ROBO2: variants seen among roughly 807,000 people sequenced by gnomAD.
ROBO2 encodes roundabout guidance receptor 2, also known as roundabout homolog 2.
In ROBO2, 53 loss-of-function variants were observed where a neutral mutation model predicts 160.8. The ratio of observed to expected loss-of-function variants is 0.33; its 90% CI spans 0.26 to 0.41. The LOEUF (loss-of-function observed/expected upper bound fraction) is 0.41, where lower values mean the gene tolerates loss of function less well. Ranked by LOEUF, ROBO2 falls within the 10% of genes least tolerant of loss-of-function variation. The pLI, the probability that ROBO2 is intolerant of heterozygous loss-of-function variation, is 1.00. For missense variants in ROBO2, 1,577 were observed against 1,722.4 expected (o/e 0.92, Z 1.49); for synonymous variants, 664 against 611.7 (o/e 1.09, Z -1.26).
At chr3:76,567,282 A>G (rs1160391800) in intron 2 of ROBO2, among the ~76,000 whole-genome samples, 4 of 152,264 alleles carry the variant, frequency 2.6e-5, no homozygotes, top group Non-Finnish European at 4.4e-5. Context: ...ATGTTGGTTT[A>G]CTTACGAGCA....
chr3:76,525,276 G>C (rs1560092269), intron 2 of ROBO2, among the ~76,000 whole-genome samples: 1 of 151,680 alleles, frequency 6.6e-6, no homozygotes, highest in Non-Finnish European at 1.5e-5. Flanking sequence ...TGAAAAATTG[G>C]CTTTCAATTT....
intron 2 of ROBO2, among the ~76,000 whole-genome samples, chr3:76,802,171 C>G (rs117405086): frequency 1.3e-5 from 2 of 152,138 alleles, no homozygotes; most frequent in Non-Finnish European, 2.9e-5. Context: ...AGTGAGCACA[C>G]GCTGCTGGAA....
intron 2 of ROBO2, among the ~76,000 whole-genome samples, chr3:77,260,527 T>C (rs1306476726): frequency 6.6e-6 from 1 of 152,164 alleles, no homozygotes; most frequent in East Asian, 1.9e-4. Context: ...TCAAAGGTGA[T>C]TCAAGCAGAT....
chr3:77,531,371 G>A (rs2091714446), intron 6 of ROBO2, among the ~76,000 whole-genome samples: 1 of 148,554 alleles, frequency 6.7e-6, no homozygotes, highest in Admixed American at 6.9e-5. Flanking sequence ...AAAATAAGCA[G>A]CCACTACTCT....
chr3:77,464,594 A>C (rs1449384707), intron 2 of ROBO2, among the ~76,000 whole-genome samples: 1 of 152,192 alleles, frequency 6.6e-6, no homozygotes, highest in African/African-American at 2.4e-5. Context: ...CTGTCCTGCA[A>C]TAATTATTAA....
At chr3:76,627,782 T>A (rs2089755489) in intron 2 of ROBO2, among the ~76,000 whole-genome samples, 1 of 152,218 alleles carries the variant, frequency 6.6e-6, no homozygotes, top group South Asian at 2.1e-4. Context: ...AGCTCACTTG[T>A]CTGCCTGTAT....
intron 2 of ROBO2, among the ~76,000 whole-genome samples, chr3:76,975,587 G>A (rs111978503): frequency 6.6e-6 from 1 of 152,098 alleles, no homozygotes; most frequent in Non-Finnish European, 1.5e-5. Context: ...AATGGCAACA[G>A]TGATTTTAAA....
In ROBO2 at chr3:76,476,776, C is replaced by T. The variant is rs145986604; in HGVS notation, c.109+539174C>T. Among the ~76,000 whole-genome samples, 730 of 152,148 alleles carry T rather than the reference C, an allele frequency of 4.8e-3. 4 individuals are homozygous for T. Among genetic ancestry groups the T allele is most frequent in the South Asian group, 0.029 (142 of 4,832 alleles). On this transcript the variant is annotated intron_variant, in intron 2 of 26. Transcript: ENST00000487694. ...AATGACCAGATGTATCAAACAGCCA[C>T]GTTCCCATGGTATCTTTACCAAACG...
chr3:76,588,689 A>C (rs1027514868), intron 2 of ROBO2, among the ~76,000 whole-genome samples: 1 of 152,240 alleles, frequency 6.6e-6, no homozygotes, highest in South Asian at 2.1e-4. Flanking sequence ...AAGTGCCTGC[A>C]CAAAGTGAGA....
intron 9 of ROBO2, among the ~76,000 whole-genome samples, chr3:77,561,438 C>T (rs1252958825): frequency 6.6e-6 from 1 of 152,140 alleles, no homozygotes; most frequent in Non-Finnish European, 1.5e-5. Context: ...AAGGCTTGAT[C>T]ACACAGAATT....
intron 2 of ROBO2, among the ~76,000 whole-genome samples, chr3:76,030,539 T>G (rs1472092131): frequency 6.6e-6 from 1 of 152,222 alleles, no homozygotes; most frequent in Non-Finnish European, 1.5e-5. Context: ...GAATTAGTTT[T>G]TGTATAAGGT....
At chr3:76,983,682 A>G (rs2060218564) in intron 2 of ROBO2, among the ~76,000 whole-genome samples, 1 of 152,228 alleles carries the variant, frequency 6.6e-6, no homozygotes, top group African/African-American at 2.4e-5. Context: ...CAAAGTACCT[A>G]TTATATGATA....
At chr3:76,870,951 A>C (rs2071978140) in intron 2 of ROBO2, among the ~76,000 whole-genome samples, 1 of 152,200 alleles carries the variant, frequency 6.6e-6, no homozygotes, top group Non-Finnish European at 1.5e-5. Context: ...AACAAAATAC[A>C]TAGACATTTT....
At chr3:76,035,106 G>A (rs1165216741) in intron 2 of ROBO2, among the ~76,000 whole-genome samples, 1 of 151,004 alleles carries the variant, frequency 6.6e-6, no homozygotes, top group Non-Finnish European at 1.5e-5. Context: ...ACCTTCATAT[G>A]TTTTATCTTT....
At chr3:77,584,520 T>C (rs569200118) in intron 16 of ROBO2, among the ~76,000 whole-genome samples, 1 of 152,324 alleles carries the variant, frequency 6.6e-6, no homozygotes, top group African/African-American at 2.4e-5. Context: ...GACTGCCAGC[T>C]TCTAGAGAAT....
At chr3:77,236,194 T>G (rs2151319997) in intron 2 of ROBO2, among the ~76,000 whole-genome samples, 1 of 152,298 alleles carries the variant, frequency 6.6e-6, no homozygotes, top group Non-Finnish European at 1.5e-5. Flanking sequence ...ACTTAAACGT[T>G]TTCTAATTGG....
intron 2 of ROBO2, among the ~76,000 whole-genome samples, chr3:76,894,009 G>A (rs1577310732): frequency 6.6e-6 from 1 of 152,048 alleles, no homozygotes; most frequent in South Asian, 2.1e-4. Flanking sequence ...TTGCCTAACT[G>A]ATATGGAAAA....
Position 76,045,711 on chromosome 3 carries a change from CA to C in ROBO2, c.109+108111del, listed in dbSNP as rs563675187. ...GCATCAAGTTGTCTATTTCTGTTTC[CA>C]AGTTCAATATTTTGCCACAGGTTTA... On this transcript the variant is annotated intron_variant, in intron 2 of 26. Coordinates refer to the ROBO2 transcript ENST00000487694. Among the ~76,000 whole-genome samples, 515 of 151,812 alleles carry C rather than the reference CA, an allele frequency of 3.4e-3. 2 individuals are homozygous for C. Among genetic ancestry groups the C allele is most frequent in the Non-Finnish European group, 5.9e-3 (401 of 67,972 alleles).
intron 2 of ROBO2, among the ~76,000 whole-genome samples, chr3:75,975,501 T>A (rs2065112582): frequency 6.6e-6 from 1 of 151,472 alleles, no homozygotes; most frequent in Non-Finnish European, 1.5e-5. Context: ...TCTGTTTAGA[T>A]CATTTTGAAA....
Sources: allele counts gnomAD v4.1 joint callset (sites outside exome capture counted in the v4.1 genomes callset), GRCh38; gene constraint gnomAD v4.1.1; transcripts MANE v1.5; gene names NCBI Gene and HGNC (gene_info 2026-07-23, HGNC 2026-07-21).